CDH18: variants seen among roughly 807,000 people sequenced by gnomAD.
CDH18 encodes cadherin-18.
CDH18 carries 31 observed loss-of-function variants against 67.9 expected under a neutral mutation model. The observed-to-expected ratio is 0.46, with a 90% CI of 0.34 to 0.62. CDH18 has a LOEUF of 0.62. CDH18 is among the 20% of genes least tolerant of loss of function. The pLI is 0.01. For synonymous variants in CDH18, 362 were observed against 347.2 expected (o/e 1.04, Z -0.48); for missense variants, 890 against 975.5 (o/e 0.91, Z 1.17).
chr5:19,947,405 T>C (rs1047810472), intron 2 of CDH18, among the ~76,000 whole-genome samples: 28 of 151,764 alleles, frequency 1.8e-4, no homozygotes, highest in African/African-American at 6.0e-4. Context: ...AGGATATATA[T>C]AGGCATGATC....
chr5:20,162,752 C>CA (rs754796584), intron 2 of CDH18, among the ~76,000 whole-genome samples: 2 of 151,428 alleles, frequency 1.3e-5, no homozygotes, highest in African/African-American at 2.4e-5. Context: ...CTATAATAGA[C>CA]ATATATAATA....
chr5:19,881,387 A>G (rs1787621615), intron 2 of CDH18, among the ~76,000 whole-genome samples: 1 of 152,122 alleles, frequency 6.6e-6, no homozygotes, highest in African/African-American at 2.4e-5. Context: ...AGAAACTATA[A>G]CATCAAAGGT....
rs1181533665 is a variant in CDH18, at chr5:20,499,871, A to T, written c.-580+75591T>A. On this transcript the variant is annotated intron_variant, in intron 1 of 14. Transcript: ENST00000507958. ...ATACTGACAAATTGCCATTCCAAGT[A>T]TATAAATTTATATTTATGTGAACTG... Among the ~76,000 whole-genome samples, 4 of 152,300 alleles carry T rather than the reference A, an allele frequency of 2.6e-5. No individual in the cohort carries two copies. The East Asian group carries it at 7.7e-4, about 29-fold the overall frequency.
Position 19,725,716 on chromosome 5 carries a change from C to T in CDH18, c.524-4250G>A, listed in dbSNP as rs149493977. 1.1e-4 allele frequency among the ~76,000 whole-genome samples: 16 copies of T among 152,300 alleles called. No individual in the cohort carries two copies. In the East Asian group the frequency reaches 2.9e-3, roughly 28 times the overall value. ...CCCGGGAGGCAGAGATTGCGGTGAG[C>T]TGAGATCACACCACTGAACTCCGAC... On this transcript the variant is annotated intron_variant, in intron 4 of 12. Transcript: ENST00000382275.
chr5:20,195,063 C>A (rs1738863917), intron 2 of CDH18, among the ~76,000 whole-genome samples: 1 of 151,922 alleles, frequency 6.6e-6, no homozygotes, highest in Non-Finnish European at 1.5e-5. Flanking sequence ...AGTATAACTG[C>A]AAAGCTAAAA....
chr5:20,431,912 C>A (rs1290783436), intron 1 of CDH18, among the ~76,000 whole-genome samples: 3 of 152,164 alleles, frequency 2.0e-5, no homozygotes, highest in African/African-American at 7.2e-5. Flanking sequence ...CAGGCAGTAT[C>A]CTTCTTACAA....
In CDH18 at chr5:19,787,362, G is replaced by T. The variant is rs544344867; in HGVS notation, c.229-40126C>A. On this transcript the variant is annotated intron_variant, in intron 3 of 12. Transcript: ENST00000382275. ...AGCTACTAGGGAGGCTGAGGCAGGA[G>T]AATCGCTTGAACCTGGGAGGCAGAG... 3.4e-3 allele frequency among the ~76,000 whole-genome samples: 514 copies of T among 152,010 alleles called. 1 individual carries two copies. Among genetic ancestry groups the T allele is most frequent in the African/African-American group, 0.012 (490 of 41,450 alleles).
intron 2 of CDH18, among the ~76,000 whole-genome samples, chr5:20,051,710 T>A (rs1247005137): frequency 1.3e-5 from 2 of 151,992 alleles, no homozygotes; most frequent in Non-Finnish European, 2.9e-5. Flanking sequence ...TGTCTATATC[T>A]AGATACAGAT....
In CDH18 at chr5:20,454,627, C is replaced by A. The variant is rs143847088; in HGVS notation, c.-580+120835G>T. ...TTCTTTATCCTACTTTATCTTATAA[C>A]AAGTTAGCTTGTTACTGTTTCATGA... On this transcript the variant is annotated intron_variant, in intron 1 of 14. Transcript: ENST00000507958. Among the ~76,000 whole-genome samples the A allele has an allele frequency of 5.7e-3, 860 of 152,180 alleles. 33 individuals are homozygous for A. In the East Asian group the frequency reaches 0.093, roughly 16 times the overall value.
At chr5:19,899,657 T>G (rs900460333) in intron 2 of CDH18, among the ~76,000 whole-genome samples, 3 of 152,158 alleles carry the variant, frequency 2.0e-5, no homozygotes, top group African/African-American at 7.2e-5. Context: ...CTATGCTCAT[T>G]GCAGCACTAT....
intron 2 of CDH18, among the ~76,000 whole-genome samples, chr5:20,003,133 A>T (rs1247449337): frequency 2.0e-5 from 3 of 152,214 alleles, no homozygotes; most frequent in African/African-American, 7.2e-5. Flanking sequence ...AGTATACATT[A>T]GGATGTGAAA....
intron 9 of CDH18, among the ~76,000 whole-genome samples, chr5:19,526,162 C>T (rs145585396): frequency 1.3e-5 from 2 of 152,118 alleles, no homozygotes; most frequent in East Asian, 1.9e-4. Flanking sequence ...AAACAATTAA[C>T]GGTAACTATG....
chr5:19,873,323 A>AG (rs1383050872), intron 2 of CDH18, among the ~76,000 whole-genome samples: 1 of 152,124 alleles, frequency 6.6e-6, no homozygotes, highest in African/African-American at 2.4e-5. Flanking sequence ...TGGGCCTGTA[A>AG]TAGTAACAGC....
intron 9 of CDH18, among the ~76,000 whole-genome samples, chr5:19,536,204 C>T (rs1450978490): frequency 6.8e-6 from 1 of 146,354 alleles, no homozygotes; most frequent in African/African-American, 2.8e-5. Flanking sequence ...AAAAATACTA[C>T]AATGAAATGC....
At chr5:20,330,391 G>A (rs1457440966) in intron 1 of CDH18, among the ~76,000 whole-genome samples, 1 of 152,120 alleles carries the variant, frequency 6.6e-6, no homozygotes, top group Non-Finnish European at 1.5e-5. Flanking sequence ...GTGATGGTCA[G>A]GAGGTTGTTA....
At chr5:19,973,566 A>G (rs1449226365) in intron 2 of CDH18, among the ~76,000 whole-genome samples, 2 of 152,180 alleles carry the variant, frequency 1.3e-5, no homozygotes, top group Admixed American at 6.6e-5. Flanking sequence ...GAATAAGCTA[A>G]TAAACAGTAT....
chr5:20,505,612 C>T (rs918604502), intron 1 of CDH18, among the ~76,000 whole-genome samples: 21 of 152,090 alleles, frequency 1.4e-4, no homozygotes, highest in African/African-American at 5.1e-4. Flanking sequence ...TAATAATTTT[C>T]TTTCACACAT....
At chr5:20,159,872 C>T (rs1751838028) in intron 2 of CDH18, among the ~76,000 whole-genome samples, 1 of 152,084 alleles carries the variant, frequency 6.6e-6, no homozygotes, top group African/African-American at 2.4e-5. Context: ...ATCACTTTTT[C>T]CCTGAGGAGA....
intron 3 of CDH18, chr5:19,803,953 C>T (rs909601906): frequency 1.3e-5 from 2 of 152,060 alleles, no homozygotes; most frequent in Non-Finnish European, 2.9e-5. Context: ...AATCCCGTCT[C>T]TACTAAAAAT....
Sources: gnomAD v4.1 joint callset for allele counts (sites outside exome capture counted in the v4.1 genomes callset) on GRCh38, gnomAD v4.1.1 for gene constraint, MANE v1.5 for transcripts, NCBI Gene and HGNC (gene_info 2026-07-23, HGNC 2026-07-21) for gene names.